Variants in MLIP observed in about 807,000 individuals in gnomAD.
MLIP encodes muscular LMNA interacting protein.
Under a neutral mutation model 84.8 loss-of-function variants are expected in MLIP, and 79 were observed. The observed-to-expected ratio is 0.93, with a 90% CI of 0.78 to 1.12. MLIP has a LOEUF of 1.12. MLIP is among the 50% of genes most tolerant of loss of function. The pLI, the probability that MLIP is intolerant of heterozygous loss-of-function variation, is 0.00. For missense variants in MLIP, 1,257 were observed against 1,160.6 expected, an observed-to-expected ratio of 1.08 and a Z score of -1.21; for synonymous variants, 504 against 463.0, an observed-to-expected ratio of 1.09 and a Z score of -1.14.
At chr6:54,030,061 A>T (rs1764036101) in intron 1 of MLIP, among the ~76,000 whole-genome samples, 1 of 152,170 alleles carries the variant, frequency 6.6e-6, no homozygotes, top group Non-Finnish European at 1.5e-5. Flanking sequence ...TGGACTTGTG[A>T]TTGGGGATTG....
At chr6:54,044,463 C>T (rs1284087745) in intron 1 of MLIP, among the ~76,000 whole-genome samples, 2 of 152,208 alleles carry the variant, frequency 1.3e-5, no homozygotes, top group Non-Finnish European at 2.9e-5. Context: ...CTACTTAAAA[C>T]ATACTCTTGA....
At chr6:54,103,119 G>C (rs148542735) in intron 1 of MLIP, among the ~76,000 whole-genome samples, 47 of 152,152 alleles carry the variant, frequency 3.1e-4, no homozygotes, top group African/African-American at 1.1e-3. Flanking sequence ...AAAGCAGAGG[G>C]AGAAGCATGC....
At chr6:54,070,597 T>C (rs1343538837) in intron 1 of MLIP, among the ~76,000 whole-genome samples, 3 of 152,008 alleles carry the variant, frequency 2.0e-5, no homozygotes, top group Non-Finnish European at 2.9e-5. Context: ...TATCCTGGGA[T>C]TTTTTTTGGT....
intron 9 of MLIP, among the ~76,000 whole-genome samples, chr6:54,185,753 A>C (rs1256919220): frequency 6.6e-6 from 1 of 152,178 alleles, no homozygotes. Context: ...GGATCAATAG[A>C]GAATGCTTTC....
In MLIP at chr6:54,138,075, C is replaced by G. The variant is rs1049801288; in HGVS notation, c.2006C>G (p.Thr669Ser). 1 of 1,536,166 alleles carries G rather than the reference C, an allele frequency of 6.5e-7. No individual in the cohort carries two copies. Among genetic ancestry groups the G allele is most frequent in the Admixed American group, 2.0e-5 (1 of 50,996 alleles). The change falls in exon 4 of 14, where the codon ACC becomes AGC. Residue 669 changes from threonine to serine, a missense_variant. By Grantham distance (58) the Thr-to-Ser change is moderately conservative. Coordinates refer to ENST00000502396, the MANE Select transcript of MLIP (RefSeq NM_001281747.2). Reference sequence around the variant, plus strand: ...TCTCTCCCTCATGCCAATCTGCCCACCCTGGTGCCCCAGCTCAGTCCCTCA... The same window carrying G: ...TCTCTCCCTCATGCCAATCTGCCCAGCCTGGTGCCCCAGCTCAGTCCCTCA... ...SSSLPHANLP[T>S]LVPQLSPSAL...
In MLIP at chr6:54,136,886, G is replaced by A. The variant is rs1470110690; in HGVS notation, c.817G>A (p.Glu273Lys). 1 of 1,535,386 alleles carries A rather than the reference G, an allele frequency of 6.5e-7. No individual in the cohort carries two copies. The highest frequency in any genetic ancestry group is 8.7e-7 in the Non-Finnish European group (1 of 1,146,420). Residue 273 changes from glutamate (E) to lysine (K), a missense_variant, in exon 4 of 14, where the codon GAA (glutamate) becomes AAA (lysine). Physicochemically the swap from Glu to Lys is moderately conservative, Grantham distance 56. Transcript: ENST00000502396. ...GGATGTCGGTGGGGCCGTGGTGGAA[G>A]AATCAGCTACGTATTTTCAAACTAC... is the stretch of plus-strand genomic sequence containing the variant. ...RLDVGGAVVE[E>K]SATYFQTTAH...
intron 12 of MLIP, among the ~76,000 whole-genome samples, chr6:54,254,394 G>T (rs1782851293): frequency 2.0e-5 from 3 of 151,796 alleles, no homozygotes; most frequent in Non-Finnish European, 4.4e-5. Flanking sequence ...CAAAGTGCTG[G>T]GATTACAGGT....
rs571918515 is a variant in MLIP, at chr6:54,062,063, T to A, written c.63+42972T>A. ...ATTTCCTGCTGACCTGATTTTACAT[T>A]AGACACCTTTGTGATAAAAAAGGTA... On this transcript the variant is annotated intron_variant, in intron 1 of 12. Transcript: ENST00000274897. Among the ~76,000 whole-genome samples the A allele has an allele frequency of 2.6e-5, 4 of 152,362 alleles. No homozygotes were observed. The East Asian group carries it at 7.7e-4, about 29-fold the overall frequency.
intron 7 of MLIP, 22 bp from the exon 8 acceptor site, chr6:54,160,718 C>T (rs1189547184): frequency 2.6e-6 from 4 of 1,541,510 alleles, no homozygotes; most frequent in Middle Eastern, 1.7e-4. Flanking sequence ...CTTCTTCTTT[C>T]CTTCCTTTCT....
rs1405813622 is a variant in MLIP, at chr6:54,249,453, A to C, written c.2923-7855A>C. 1.3e-5 allele frequency among the ~76,000 whole-genome samples: 2 copies of C among 152,002 alleles called. 1 individual carries two copies. Among genetic ancestry groups the C allele is most frequent in the Non-Finnish European group, 2.9e-5 (2 of 67,994 alleles). On this transcript the variant is annotated intron_variant, in intron 12 of 13. Transcript: ENST00000502396. ...TGGCCTAATACAGATTAAATCTTTA[A>C]GACATATAGCTAATTCTTTTTTTTT... is the stretch of plus-strand genomic sequence containing the variant.
At chr6:54,104,447 ATTAGTACCTCT>A (rs985213085) in intron 1 of MLIP, among the ~76,000 whole-genome samples, 2 of 152,186 alleles carry the variant, frequency 1.3e-5, no homozygotes, top group Admixed American at 6.5e-5. Flanking sequence ...TACATACCTT[ATTAGTACCTCT>A]TTGAATATAT....
chr6:54,062,644 A>G (rs1315608331), intron 1 of MLIP, among the ~76,000 whole-genome samples: 1 of 152,208 alleles, frequency 6.6e-6, no homozygotes, highest in Non-Finnish European at 1.5e-5. Flanking sequence ...GGGAATACTG[A>G]GGTGGCACTT....
At chr6:54,058,959 C>T (rs1765810394) in intron 1 of MLIP, 1 of 152,174 alleles carries the variant, frequency 6.6e-6, no homozygotes, top group Admixed American at 6.5e-5. Context: ...GCTTAAAGCT[C>T]CGTAGTTGAA....
chr6:54,195,685 G>A (rs993146440), intron 10 of MLIP, among the ~76,000 whole-genome samples: 1 of 152,032 alleles, frequency 6.6e-6, no homozygotes, highest in African/African-American at 2.4e-5. Context: ...AGGCTTAGAC[G>A]AGTGTCTTAT....
At chr6:54,234,182 G>T (rs1582582057) in intron 12 of MLIP, among the ~76,000 whole-genome samples, 1 of 152,046 alleles carries the variant, frequency 6.6e-6, no homozygotes, top group Non-Finnish European at 1.5e-5. Flanking sequence ...GATGCCTCTA[G>T]TTCCTTTGTC....
intron 10 of MLIP, among the ~76,000 whole-genome samples, chr6:54,193,971 A>G (rs781399723): frequency 6.6e-6 from 1 of 152,134 alleles, no homozygotes; most frequent in Non-Finnish European, 1.5e-5. Flanking sequence ...TTTAGATGAC[A>G]TTTGCCTTTT....
intron 5 of MLIP, among the ~76,000 whole-genome samples, chr6:54,154,948 A>G (rs1773862825): frequency 6.6e-6 from 1 of 152,086 alleles, no homozygotes; most frequent in South Asian, 2.1e-4. Flanking sequence ...GCAAAAAAGT[A>G]TAGATTCCCC....
chr6:54,100,602 T>C (rs1768571082), intron 1 of MLIP, among the ~76,000 whole-genome samples: 1 of 152,168 alleles, frequency 6.6e-6, no homozygotes, highest in Non-Finnish European at 1.5e-5. Flanking sequence ...TTGCAGCTAC[T>C]GACTTACCAC....
chr6:54,077,538 G>A (rs141423337), intron 1 of MLIP, among the ~76,000 whole-genome samples: 69 of 152,100 alleles, frequency 4.5e-4, no homozygotes, highest in African/African-American at 1.5e-3. Flanking sequence ...CATCTAATAC[G>A]TGTTTCAAGA....
Sources: gnomAD v4.1 joint callset for allele counts (sites outside exome capture counted in the v4.1 genomes callset) on GRCh38, gnomAD v4.1.1 for gene constraint, MANE v1.5 for transcripts, NCBI Gene and HGNC (gene_info 2026-07-23, HGNC 2026-07-21) for gene names.